The following EPB41L1 variants were observed in gnomAD, a reference collection of about 807,000 sequenced individuals.
EPB41L1 encodes erythrocyte membrane protein band 4.1 like 1.
In EPB41L1, 29 loss-of-function variants were observed where a neutral mutation model predicts 97.8. The observed-to-expected ratio is 0.30, with a 90% CI of 0.22 to 0.40. The LOEUF is 0.40. EPB41L1 is among the 10% of genes least tolerant of loss of function. EPB41L1 has a pLI of 1.00. For missense variants in EPB41L1, 812 were observed against 1,162.3 expected (o/e 0.70, Z 4.38); for synonymous variants, 383 against 459.2 (o/e 0.83, Z 2.12).
rs549595727 is a variant in EPB41L1, at chr20:36,195,065, C to T, written c.1450-264C>T. ...CAGCGAGAGCAGGGAACTCCATTCT[C>T]ACATCCCATCTGCCCAGTGTGGCTC... On this transcript the variant is annotated intron_variant, in intron 12 of 21. Coordinates refer to ENST00000338074, the MANE Select transcript of EPB41L1 (RefSeq NM_012156.2). This position sits in a 1 kb window ranked among gnomAD's most constrained non-coding sequence, Gnocchi z 4.6. Among the ~76,000 whole-genome samples, 1 of 152,310 alleles carries T rather than the reference C, an allele frequency of 6.6e-6. No homozygotes were observed. Among genetic ancestry groups the T allele is most frequent in the African/African-American group, 2.4e-5 (1 of 41,568 alleles).
At chr20:36,162,496 C>T (rs1569171857) in intron 1 of EPB41L1, among the ~76,000 whole-genome samples, 3 of 152,144 alleles carry the variant, frequency 2.0e-5, no homozygotes, top group African/African-American at 7.2e-5. Context: ...CACTAAGCCG[C>T]CTGGGAAATA....
At chr20:36,224,858 G>T (rs1458022545) in intron 21 of EPB41L1, among the ~76,000 whole-genome samples, 1 of 151,818 alleles carries the variant, frequency 6.6e-6, no homozygotes, top group African/African-American at 2.4e-5. Flanking sequence ...GTCTCACTCT[G>T]TCACCCAGGC....
At chr20:36,181,248 G>A (rs1296303273) in intron 5 of EPB41L1, among the ~76,000 whole-genome samples, 2 of 152,116 alleles carry the variant, frequency 1.3e-5, no homozygotes, top group East Asian at 3.9e-4. Flanking sequence ...AATGTTCCAG[G>A]GGTGGGTGGT....
intron 13 of EPB41L1, among the ~76,000 whole-genome samples, chr20:36,196,790 AGCGTCCTTGG>A (rs563223314): frequency 6.6e-6 from 1 of 152,338 alleles, no homozygotes; most frequent in East Asian, 1.9e-4. Context: ...CTTGCAGATA[AGCGTCCTTGG>A]GCTGCCAGCC....
In EPB41L1 at chr20:36,154,960, TCCAGC is replaced by T. The variant is rs1036715284; in HGVS notation, c.-15+67_-15+71del. The T allele has an allele frequency of 2.9e-5, 33 of 1,157,476 alleles. No individual in the cohort carries two copies. In the African/African-American group the frequency reaches 4.9e-4, roughly 17 times the overall value. 71.7% of individuals were successfully genotyped at this position (1,157,476 alleles called of 1,614,324 possible). A position where few individuals can be genotyped will look rare whatever the true frequency, so the allele number is the denominator to read the frequency against. On this transcript the variant is annotated intron_variant, in intron 1 of 21. Coordinates refer to ENST00000338074, the MANE Select transcript of EPB41L1 (RefSeq NM_012156.2). This position sits in a 1 kb window ranked among gnomAD's most constrained non-coding sequence, Gnocchi z 5.5. ...GGGCTTGCAACATCTAGGCCCAGCC[TCCAGC>T]CCTGGGGAGGAACGGGGGCGAGGCC...
chr20:36,147,231 T>C (rs1373515677), intron 2 of EPB41L1, among the ~76,000 whole-genome samples: 1 of 152,126 alleles, frequency 6.6e-6, no homozygotes, highest in Admixed American at 6.5e-5. Flanking sequence ...CCTAAGAGTA[T>C]TTTACATCCT....
At chr20:36,182,839 T>C (rs1011518720) in intron 6 of EPB41L1, among the ~76,000 whole-genome samples, 9 of 152,132 alleles carry the variant, frequency 5.9e-5, no homozygotes, top group African/African-American at 1.7e-4. Flanking sequence ...GTTTGCAGCA[T>C]TGGGAGTATG....
chr20:36,214,550 C>A (rs553143790), intron 17 of EPB41L1, 110 bp downstream of exon 17: 96 of 864,054 alleles, frequency 1.1e-4, no homozygotes, highest in Non-Finnish European at 1.4e-4. Context: ...GAGCTGCCCT[C>A]GCTGCATCAG....
At chr20:36,152,798 G>A (rs780630827), upstream of EPB41L1, 18 of 357,318 alleles carry the variant, frequency 5.0e-5, no homozygotes, top group Non-Finnish European at 6.7e-5. Flanking sequence ...CCAGGGGCCT[G>A]TGTGAGACTC....
At chr20:36,100,630 C>T (rs914252344) in intron 1 of EPB41L1, among the ~76,000 whole-genome samples, 32 of 152,318 alleles carry the variant, frequency 2.1e-4, no homozygotes, top group Admixed American at 1.7e-3. Context: ...CCAAGGCCTA[C>T]GCAGTCCTCA....
At chr20:36,183,569 G>A (rs1040771787) in intron 6 of EPB41L1, among the ~76,000 whole-genome samples, 1 of 152,208 alleles carries the variant, frequency 6.6e-6, no homozygotes, top group Non-Finnish European at 1.5e-5. Flanking sequence ...CAGACACTGG[G>A]CACTGTGCTT....
At chr20:36,156,314 C>T (rs115351759) in intron 1 of EPB41L1, among the ~76,000 whole-genome samples, 10 of 152,360 alleles carry the variant, frequency 6.6e-5, no homozygotes, top group African/African-American at 1.9e-4. Context: ...GGCATTGTTC[C>T]TATTAAAGCC....
intron 19 of EPB41L1, among the ~76,000 whole-genome samples, chr20:36,220,984 G>A (rs998794215): frequency 3.9e-5 from 6 of 152,148 alleles, no homozygotes; most frequent in South Asian, 2.1e-4. Flanking sequence ...ACTTTCTCAC[G>A]TACCCCACAA....
chr20:36,182,944 G>A (rs1299363764), intron 6 of EPB41L1, among the ~76,000 whole-genome samples: 2 of 152,164 alleles, frequency 1.3e-5, no homozygotes, highest in Non-Finnish European at 2.9e-5. Flanking sequence ...TGGGGCTTAG[G>A]ACTCCCCACA....
chr20:36,210,714 G>A (rs2063083017), intron 15 of EPB41L1, among the ~76,000 whole-genome samples: 1 of 152,052 alleles, frequency 6.6e-6, no homozygotes, highest in Non-Finnish European at 1.5e-5. Context: ...TGACCACCCT[G>A]GGCAGAAATA....
At chr20:36,213,165 A>T (rs1016717368) in intron 16 of EPB41L1, among the ~76,000 whole-genome samples, 1 of 152,200 alleles carries the variant, frequency 6.6e-6, no homozygotes, top group Non-Finnish European at 1.5e-5. Context: ...TGTGAGGCCA[A>T]GGCAGGCAGA....
At position 36,173,687 on chromosome 20, in the gene EPB41L1, C is replaced by A. The variant is rs553961201; in HGVS notation, c.-14-77C>A. On this transcript the variant is annotated intron_variant, in intron 1 of 21. Coordinates refer to ENST00000338074, the MANE Select transcript of EPB41L1 (RefSeq NM_012156.2). ...GTTTGCCTCCATCTGTCTCTCTCCG[C>A]GTGTGGTTCCTGCCCCTCTCGCTGT... 4.6e-6 allele frequency: 6 copies of A among 1,314,196 alleles called. No homozygotes were observed. In the African/African-American group the frequency reaches 7.2e-5, roughly 16 times the overall value. The allele number at this position is 1,314,196 out of a possible 1,614,324, so 81.4% of individuals were successfully genotyped here. A position where few individuals can be genotyped will look rare whatever the true frequency, so the allele number is the denominator to read the frequency against.
At chr20:36,123,105 C>G (rs1209565735) in intron 2 of EPB41L1, among the ~76,000 whole-genome samples, 1 of 152,010 alleles carries the variant, frequency 6.6e-6, no homozygotes, top group Non-Finnish European at 1.5e-5. Flanking sequence ...TCTAGGCCCC[C>G]TCCCATGCTC....
At chr20:36,137,680 G>A (rs2378439) in intron 2 of EPB41L1, among the ~76,000 whole-genome samples, 57,356 of 151,760 alleles carry the variant, frequency 0.38, 14,288 homozygotes, top group African/African-American at 0.72. Flanking sequence ...ATGCACCACC[G>A]TGCCCGTCTG....
Sources: gnomAD v4.1 joint callset for allele counts (sites outside exome capture counted in the v4.1 genomes callset) on GRCh38, gnomAD v4.1.1 for gene constraint, Gnocchi (gnomAD v3.1) non-coding constraint, MANE v1.5 for transcripts, NCBI Gene and HGNC (gene_info 2026-07-23, HGNC 2026-07-21) for gene names.